Variants in PRSS2 observed in about 807,000 individuals in gnomAD.
PRSS2 encodes the protein trypsin-2.
A neutral mutation model predicts 19.2 loss-of-function variants in PRSS2; 19 were observed. The observed-to-expected ratio is 0.99, with a 90% CI of 0.69 to 1.45. The LOEUF (loss-of-function observed/expected upper bound fraction) is 1.45, where lower values mean the gene tolerates loss of function less well. Among genes scored for constraint, PRSS2 ranks in the 40% most tolerant of loss-of-function variants. PRSS2 has a pLI of 0.00. For missense variants in PRSS2, 288 were observed against 294.4 expected, an observed-to-expected ratio of 0.98 and a Z score of 0.16; for synonymous variants, 107 against 117.5, an observed-to-expected ratio of 0.91 and a Z score of 0.58.
chr7:142,771,939 C>A, intron 1 of PRSS2, 110 bp from the exon 2 acceptor site: 6 of 1,526,502 alleles, frequency 3.9e-6, no homozygotes, highest in Non-Finnish European at 5.4e-6. Context: ...CCTTGCCTAG[C>A]CTCACTGAGC....
chr7:142,773,422 C>A lies in PRSS2; in HGVS notation c.357C>A (p.Ile119=). The part of the protein sequence containing the change: ...LLIKLSSPAV[I]NSRVSAISLP... ...TCAAGCTCTCCTCACCTGCCGTCATCAATTCCCGCGTGTCCGCCATCTCTC... is the reference window on the plus strand; with the variant it reads ...TCAAGCTCTCCTCACCTGCCGTCATAAATTCCCGCGTGTCCGCCATCTCTC... Residue 119 remains isoleucine (I), a synonymous_variant, in exon 3 of 5, where the codon ATC becomes ATA. Transcript: ENST00000539842. 1.2e-6 allele frequency: 2 copies of A among 1,604,086 alleles called. No homozygotes were observed. The highest frequency in any genetic ancestry group is 1.7e-6 in the Non-Finnish European group (2 of 1,171,106).
intron 2 of PRSS2, 112 bp downstream of exon 2, chr7:142,772,320 A>C: frequency 8.7e-7 from 1 of 1,150,340 alleles, no homozygotes; most frequent in Non-Finnish European, 1.3e-6. Flanking sequence ...AGATGGTGGA[A>C]AAGAAAACTT....
intron 2 of PRSS2, 36 bp from the exon 3 acceptor site, chr7:142,773,230 G>T: frequency 1.9e-6 from 3 of 1,589,170 alleles, no homozygotes; most frequent in Non-Finnish European, 2.6e-6. Context: ...CCTGGCTGTG[G>T]GAGAAGGTCT....
At chr7:142,772,966 C>A (rs1800072804) in intron 2 of PRSS2, among the ~76,000 whole-genome samples, 1 of 151,740 alleles carries the variant, frequency 6.6e-6, no homozygotes, top group African/African-American at 2.4e-5. Context: ...CTTGTGCCCA[C>A]AGTGCTAGTG....
intron 1 of PRSS2, 137 bp downstream of exon 1, chr7:142,771,159 C>G: frequency 4.1e-6 from 2 of 488,420 alleles, no homozygotes; most frequent in Non-Finnish European, 3.7e-6. Flanking sequence ...TCTTCCCATC[C>G]TCCTTGGGCT....
At chr7:142,772,881 G>A (rs897782004) in intron 2 of PRSS2, among the ~76,000 whole-genome samples, 5 of 152,260 alleles carry the variant, frequency 3.3e-5, no homozygotes, top group Non-Finnish European at 7.3e-5. Flanking sequence ...GGCCAAGAAT[G>A]GAGGGAGGAG....
At chr7:142,772,955 C>T (rs1031624446) in intron 2 of PRSS2, among the ~76,000 whole-genome samples, 9 of 152,160 alleles carry the variant, frequency 5.9e-5, no homozygotes, top group African/African-American at 2.2e-4. Context: ...TCAAGGAGCT[C>T]CTTGTGCCCA....
chr7:142,772,053 T>A lies in PRSS2; in HGVS notation c.45T>A (p.Ala15=). Residue 15 remains alanine (A), a synonymous_variant, in exon 2 of 5, where the codon GCT becomes GCA. Coordinates refer to ENST00000539842, the MANE Select transcript of PRSS2 (RefSeq NM_002770.4). ...LILTFVAAAV[A]APFDDDDKIV... is the part of the protein sequence containing the mutation. ...CCCTTCCCATCTCCACTCCAGTTGC[T>A]GCCCCCTTTGATGATGATGACAAGA... is the stretch of plus-strand genomic sequence containing the variant. The A allele has an allele frequency of 1.9e-6, 3 of 1,613,858 alleles. No homozygotes were observed. Among genetic ancestry groups the A allele is most frequent in the Non-Finnish European group, 2.5e-6 (3 of 1,179,736 alleles).
At chr7:142,774,191 T>C in intron 4 of PRSS2, 136 bp downstream of exon 4, 1 of 1,201,142 alleles carries the variant, frequency 8.3e-7, no homozygotes. Flanking sequence ...AAGACTCCTT[T>C]GGGCTGCATC....
At position 142,773,906 on chromosome 7, in the gene PRSS2, C is replaced by G; in HGVS notation, c.455-13C>G. 1 of 1,610,630 alleles carries G rather than the reference C, an allele frequency of 6.2e-7. No homozygotes were observed. The highest frequency in any genetic ancestry group is 8.5e-7 in the Non-Finnish European group (1 of 1,176,876). ...CCACATTTCTTTCTTTGTTCTCTTC[C>G]TGATCCTCACAGCCGACTACCCAGA... On this transcript the variant is annotated splice_polypyrimidine_tract_variant and intron_variant, in intron 3 of 4. Coordinates refer to ENST00000539842, the MANE Select transcript of PRSS2 (RefSeq NM_002770.4).
rs1331858282 is a variant in PRSS2, at chr7:142,773,345, A to G, written c.280A>G (p.Ile94Val). The stretch of plus-strand genomic sequence containing the variant: ...ACAGTTCATCAATGCGGCCAAGATC[A>G]TCCGCCACCCCAAATACAACAGCCG... ...NEQFINAAKI[I>V]RHPKYNSRTL... is the part of the protein sequence containing the mutation. The change falls in exon 3 of 5, where the codon ATC (isoleucine) becomes GTC (valine). Residue 94 changes from isoleucine to valine, a missense_variant. Transcript: ENST00000539842. 30 of 1,613,638 alleles carry G rather than the reference A, an allele frequency of 1.9e-5. No homozygotes were observed. The highest frequency in any genetic ancestry group is 2.5e-5 in the Non-Finnish European group (30 of 1,179,514).
Position 142,772,133 on chromosome 7 carries a change from A to T in PRSS2, c.125A>T (p.Asn42Ile). Residue 42 changes from asparagine to isoleucine, a missense_variant, in exon 2 of 5, where the codon AAT (asparagine) becomes ATT (isoleucine). Physicochemically the swap from Asn to Ile is moderately radical, Grantham distance 149 (BLOSUM62 -3). Coordinates refer to ENST00000539842, the MANE Select transcript of PRSS2 (RefSeq NM_002770.4). The stretch of plus-strand genomic sequence containing the variant: ...TCTGTCCCCTACCAGGTGTCCTTGA[A>T]TTCTGGCTACCACTTCTGCGGTGGC... ...ENSVPYQVSL[N>I]SGYHFCGGSL... The T allele has an allele frequency of 1.2e-6, 2 of 1,613,844 alleles. No individual in the cohort carries two copies. The highest frequency in any genetic ancestry group is 1.7e-6 in the Non-Finnish European group (2 of 1,179,730).
chr7:142,772,369 C>T (rs1800001665), intron 2 of PRSS2, 161 bp downstream of exon 2: 2 of 1,109,098 alleles, frequency 1.8e-6, no homozygotes, highest in Non-Finnish European at 2.7e-6. Context: ...AGAGTGAACA[C>T]AAGACAGGAA....
rs1005765041 is a variant in PRSS2, at chr7:142,773,362, C to T, written c.297C>T (p.Tyr99=). Residue 99 remains tyrosine, a synonymous_variant, in exon 3 of 5, where the codon TAC becomes TAT. Transcript: ENST00000539842. ...NAAKIIRHPK[Y]NSRTLDNDIL... ...CCAAGATCATCCGCCACCCCAAATA[C>T]AACAGCCGGACTCTGGACAATGACA... 8.9e-5 allele frequency: 144 copies of T among 1,613,860 alleles called. No homozygotes were observed. Among genetic ancestry groups the T allele is most frequent in the Non-Finnish European group, 1.1e-4 (135 of 1,179,812 alleles).
At chr7:142,771,842 C>T (rs60739427) in intron 1 of PRSS2, among the ~76,000 whole-genome samples, 4 of 152,360 alleles carry the variant, frequency 2.6e-5, no homozygotes, top group African/African-American at 9.6e-5. Flanking sequence ...TCTGAACCCC[C>T]ACAGGGTACC....
chr7:142,771,024 T>A lies in PRSS2; in HGVS notation c.40+2T>A, dbSNP rs2117057547. ...TCCTTACCTTTGTTGCAGCTGCTGG[T>A]GAGTTTCACGCCCTGCCTCAGGCCT... On this transcript the variant is annotated splice_donor_variant, in intron 1 of 4. Coordinates refer to ENST00000539842, the MANE Select transcript of PRSS2 (RefSeq NM_002770.4). LOFTEE classifies it high-confidence loss of function. 1.8e-6 allele frequency: 1 copy of A among 544,314 alleles called. No individual in the cohort carries two copies. The highest frequency in any genetic ancestry group is 2.9e-5 in the East Asian group (1 of 34,006). The allele number at this position is 544,314 out of a possible 1,614,324, so 33.7% of individuals were successfully genotyped here.
chr7:142,773,227 G>C, intron 2 of PRSS2, 39 bp from the exon 3 acceptor site: 3 of 1,614,238 alleles, frequency 1.9e-6, no homozygotes, highest in Non-Finnish European at 2.5e-6. Context: ...TGCCCTGGCT[G>C]TGGGAGAAGG....
At chr7:142,772,818 C>G (rs916057514) in intron 2 of PRSS2, among the ~76,000 whole-genome samples, 2 of 152,202 alleles carry the variant, frequency 1.3e-5, no homozygotes, top group Non-Finnish European at 2.9e-5. Flanking sequence ...CCAGGAGATG[C>G]TAATGCTATG....
intron 2 of PRSS2, 132 bp from the exon 3 acceptor site, chr7:142,773,134 C>A: frequency 1.1e-6 from 1 of 919,056 alleles, no homozygotes; most frequent in South Asian, 1.6e-5. Flanking sequence ...CCTGCCCATG[C>A]AATATGGCCA....
Sources: allele counts gnomAD v4.1 joint callset (sites outside exome capture counted in the v4.1 genomes callset), GRCh38; gene constraint gnomAD v4.1.1; transcripts MANE v1.5; gene names NCBI Gene and HGNC (gene_info 2026-07-23, HGNC 2026-07-21).